Variants in MAGI2 observed in about 807,000 individuals in gnomAD.
MAGI2 encodes membrane-associated guanylate kinase, WW and PDZ domain-containing protein 2.
MAGI2 carries 35 observed loss-of-function variants against 133.3 expected under a neutral mutation model. That is an observed-to-expected ratio of 0.26 (90% confidence interval 0.20 to 0.35). The LOEUF is 0.35. Ranked by LOEUF, MAGI2 falls within the 10% of genes least tolerant of loss-of-function variation. The pLI is 1.00. For synonymous variants in MAGI2, 729 were observed against 710.6 expected (o/e 1.03, Z -0.41); for missense variants, 1,636 against 1,863.4 (o/e 0.88, Z 2.25).
At chr7:78,160,341 C>T in intron 15 of MAGI2, 68 bp from the exon 16 acceptor site, 1 of 1,479,048 alleles carries the variant, frequency 6.8e-7, no homozygotes, top group Non-Finnish European at 9.1e-7. Context: ...TTCCTATGTA[C>T]TAGGCACTGT....
chr7:78,148,801 G>A (rs1823572331), intron 16 of MAGI2, among the ~76,000 whole-genome samples: 2 of 152,140 alleles, frequency 1.3e-5, no homozygotes, highest in African/African-American at 4.8e-5. Context: ...ACAGACATCA[G>A]TGGGCCCTGG....
chr7:79,125,746 C>T, intron 1 of MAGI2: 2 of 516,424 alleles, frequency 3.9e-6, no homozygotes, highest in Non-Finnish European at 3.8e-6. Context: ...CAATACTTTG[C>T]CAAGCCACAA....
At chr7:78,397,699 T>C (rs753525388) in intron 6 of MAGI2, among the ~76,000 whole-genome samples, 17 of 152,112 alleles carry the variant, frequency 1.1e-4, no homozygotes, top group Non-Finnish European at 1.9e-4. Flanking sequence ...ACTTCTAAGA[T>C]TGAGATATAA....
intron 3 of MAGI2, among the ~76,000 whole-genome samples, chr7:78,625,102 C>T (rs1374683529): frequency 6.6e-6 from 1 of 151,760 alleles, no homozygotes; most frequent in African/African-American, 2.4e-5. Flanking sequence ...TAGGCCTAGG[C>T]TAATGTGTGT....
intron 2 of MAGI2, among the ~76,000 whole-genome samples, chr7:78,677,041 TTTTC>T (rs1486463559): frequency 5.3e-5 from 8 of 152,096 alleles, no homozygotes; most frequent in African/African-American, 1.9e-4. Context: ...TAAACAGTTT[TTTTC>T]TTTAACTTCC....
At chr7:78,769,854 G>A (rs186834424) in intron 2 of MAGI2, among the ~76,000 whole-genome samples, 5 of 152,162 alleles carry the variant, frequency 3.3e-5, no homozygotes, top group African/African-American at 9.6e-5. Flanking sequence ...GCATGGCACC[G>A]AACTGCATCC....
Position 78,461,939 on chromosome 7 carries a change from A to AGAAAG in MAGI2, c.1045+27821_1045+27822insCTTTC, listed in dbSNP as rs1269821095. ...CTCAAAAAAAAAAAAAAAAAAAAAA[A>AGAAAG]AAAAAAAAGAAAGAAAGAAACAGGA... On this transcript the variant is annotated intron_variant, in intron 6 of 21. Coordinates refer to ENST00000354212, the MANE Select transcript of MAGI2 (RefSeq NM_012301.4). Among the ~76,000 whole-genome samples, 173 of 114,990 alleles carry AGAAAG rather than the reference A, an allele frequency of 1.5e-3. 2 individuals are homozygous for AGAAAG. The highest frequency in any genetic ancestry group is 5.4e-3 in the African/African-American group (157 of 28,898). The allele number at this position is 114,990 out of a possible 152,430, so 75.4% of individuals were successfully genotyped here. A position where few individuals can be genotyped will look rare whatever the true frequency, so the allele number is the denominator to read the frequency against.
rs1007412442 is a variant in MAGI2, at chr7:78,892,428, C to G, written c.418+114662G>C. Among the ~76,000 whole-genome samples the G allele has an allele frequency of 5.1e-3, 782 of 152,222 alleles. 9 individuals are homozygous for G. The highest frequency in any genetic ancestry group is 6.6e-3 in the Non-Finnish European group (448 of 68,018). On this transcript the variant is annotated intron_variant, in intron 2 of 21. Coordinates refer to ENST00000354212, the MANE Select transcript of MAGI2 (RefSeq NM_012301.4). ...AAAGAGCCCACATCACCAAGTCAAT[C>G]CTAAGCCAAAAGAACAAAGCCGGAG...
chr7:78,049,206 G>C (rs141235013), intron 21 of MAGI2, among the ~76,000 whole-genome samples: 8 of 152,114 alleles, frequency 5.3e-5, no homozygotes, highest in African/African-American at 9.7e-5. Context: ...GACAGGACAT[G>C]ATGAGAAAGA....
In MAGI2 at chr7:79,251,698, T is replaced by A. The variant is rs1833285526; in HGVS notation, c.301+201322A>T. ...TGGAGGTTCATCAAAAAACTAAAAA[T>A]AGAACTACCATATGTTCCAGCAATA... On this transcript the variant is annotated intron_variant, in intron 1 of 21. Transcript: ENST00000354212. Among the ~76,000 whole-genome samples, 6 of 152,234 alleles carry A rather than the reference T, an allele frequency of 3.9e-5. No individual in the cohort carries two copies. In the South Asian group the frequency reaches 1.2e-3, roughly 32 times the overall value.
At chr7:78,261,983 A>G (rs1366513759) in intron 9 of MAGI2, among the ~76,000 whole-genome samples, 1 of 152,170 alleles carries the variant, frequency 6.6e-6, no homozygotes, top group African/African-American at 2.4e-5. Flanking sequence ...CCCAAAGTGA[A>G]ACACTGTGGT....
chr7:78,712,400 T>G (rs1819285076), intron 2 of MAGI2, among the ~76,000 whole-genome samples: 1 of 152,196 alleles, frequency 6.6e-6, no homozygotes, highest in Non-Finnish European at 1.5e-5. Context: ...TTTATAAAGA[T>G]TGTATAACAA....
At chr7:78,716,376 A>C (rs575608695) in intron 2 of MAGI2, among the ~76,000 whole-genome samples, 34 of 152,294 alleles carry the variant, frequency 2.2e-4, no homozygotes, top group African/African-American at 6.7e-4. Flanking sequence ...TATCTTGATA[A>C]GGCACTTATG....
At chr7:78,287,762 A>G (rs1796291853) in intron 9 of MAGI2, among the ~76,000 whole-genome samples, 1 of 152,210 alleles carries the variant, frequency 6.6e-6, no homozygotes, top group Non-Finnish European at 1.5e-5. Flanking sequence ...TTTCATAGCA[A>G]TCATTTAAAA....
intron 1 of MAGI2, among the ~76,000 whole-genome samples, chr7:79,054,374 T>A (rs1812948274): frequency 6.6e-6 from 1 of 152,200 alleles, no homozygotes; most frequent in African/African-American, 2.4e-5. Context: ...AAAATTGATA[T>A]TTTTTATTTA....
rs1489469646 is a variant in MAGI2, at chr7:79,007,081, T to C, written c.418+9A>G. 3 of 1,553,244 alleles carry C rather than the reference T, an allele frequency of 1.9e-6. No homozygotes were observed. The highest frequency in any genetic ancestry group is 2.6e-6 in the Non-Finnish European group (3 of 1,137,756). On this transcript the variant is annotated intron_variant, in intron 2 of 21. Transcript: ENST00000354212. ...ACATAAAAATATTAATACTGCCCAT[T>C]GTACTCACATGGCACCGTGCGGAGG...
At chr7:78,332,069 A>G (rs895522129) in intron 9 of MAGI2, among the ~76,000 whole-genome samples, 11 of 152,212 alleles carry the variant, frequency 7.2e-5, no homozygotes, top group African/African-American at 2.7e-4. Flanking sequence ...AAATGATACT[A>G]AAGTTCTTAA....
At chr7:78,862,547 C>A (rs1794237595) in intron 2 of MAGI2, among the ~76,000 whole-genome samples, 1 of 152,130 alleles carries the variant, frequency 6.6e-6, no homozygotes, top group African/African-American at 2.4e-5. Flanking sequence ...AAATGAGGAA[C>A]CTCAACTGCA....
intron 1 of MAGI2, among the ~76,000 whole-genome samples, chr7:79,274,847 G>A (rs549992686): frequency 1.3e-5 from 2 of 152,130 alleles, no homozygotes; most frequent in Non-Finnish European, 2.9e-5. Flanking sequence ...TTATTATTAT[G>A]TCTGTTATTG....
Sources: gnomAD v4.1 joint callset for allele counts (sites outside exome capture counted in the v4.1 genomes callset) on GRCh38, gnomAD v4.1.1 for gene constraint, MANE v1.5 for transcripts, NCBI Gene and HGNC (gene_info 2026-07-23, HGNC 2026-07-21) for gene names.